The following C6orf136 variants were observed in gnomAD, a reference collection of about 807,000 sequenced individuals.
C6orf136 encodes uncharacterized protein C6orf136.
Under a neutral mutation model 44.0 loss-of-function variants are expected in C6orf136, and 29 were observed. The ratio of observed to expected loss-of-function variants is 0.66; its 90% CI spans 0.49 to 0.90. C6orf136 has a LOEUF of 0.90. Ranked by LOEUF, C6orf136 falls within the 40% of genes least tolerant of loss-of-function variation. The pLI is 0.00. For missense variants in C6orf136, 628 were observed against 669.3 expected, an observed-to-expected ratio of 0.94 and a Z score of 0.68; for synonymous variants, 293 against 278.6, an observed-to-expected ratio of 1.05 and a Z score of -0.52.
Position 30,647,190 on chromosome 6 carries a change from G to A in C6orf136, c.-42G>A, listed in dbSNP as rs771601306. 6 of 1,518,468 alleles carry A rather than the reference G, an allele frequency of 4.0e-6. No individual in the cohort carries two copies. The South Asian group carries it at 4.9e-5, about 12-fold the overall frequency. 94.1% of individuals were successfully genotyped at this position (1,518,468 alleles called of 1,614,324 possible). ...CGCGCTCACCCCTGTGAGGAGGCCG[G>A]AGGTCGGACTCAGGAGGCTCCTTCT... is the stretch of plus-strand genomic sequence containing the variant. On this transcript the variant is annotated 5_prime_UTR_variant, in exon 1 of 6. Coordinates refer to ENST00000651131, the MANE Select transcript of C6orf136 (RefSeq NM_001161376.2). This position sits in a 1 kb window ranked among gnomAD's most constrained non-coding sequence, Gnocchi z 4.8.
In C6orf136 at chr6:30,651,402, G is replaced by T. The variant is rs1033848329; in HGVS notation, c.1243G>T (p.Val415Leu). ...NWTLQARWRLVGLPVHLLFLR... is the reference protein window; with the variant it reads ...NWTLQARWRLLGLPVHLLFLR... ...GACCCTGCAAGCCCGGTGGCGGCTTGTGGGGCTGCCCGTCCACTTGCTCTT... is the reference window on the plus strand; with the variant it reads ...GACCCTGCAAGCCCGGTGGCGGCTTTTGGGGCTGCCCGTCCACTTGCTCTT... The change falls in exon 4 of 6, where the codon GTG becomes TTG. Residue 415 changes from valine (V) to leucine (L), a missense_variant. Coordinates refer to ENST00000651131, the MANE Select transcript of C6orf136 (RefSeq NM_001161376.2). 1.2e-6 allele frequency: 2 copies of T among 1,613,392 alleles called. No individual in the cohort carries two copies. Among genetic ancestry groups the T allele is most frequent in the Middle Eastern group, 1.6e-4 (1 of 6,062 alleles).
chr6:30,650,023 C>A, intron 2 of C6orf136, 64 bp downstream of exon 2: 2 of 1,393,366 alleles, frequency 1.4e-6, no homozygotes, highest in Non-Finnish European at 2.0e-6. Flanking sequence ...CTTGGACGTA[C>A]AGGGATAGTC....
At position 30,651,467 on chromosome 6, in the gene C6orf136, G is replaced by C; in HGVS notation, c.1307+1G>C. ...AGCGTGACAAAGACGAGCATTACCG[G>C]TAAGAGAGAAATGAGAAAGGACCCA... On this transcript the variant is annotated splice_donor_variant, in intron 4 of 5. Transcript: ENST00000651131. LOFTEE classifies it high-confidence loss of function. The C allele has an allele frequency of 2.5e-6, 4 of 1,605,640 alleles. No individual in the cohort carries two copies. Among genetic ancestry groups the C allele is most frequent in the Non-Finnish European group, 3.4e-6 (4 of 1,179,572 alleles).
chr6:30,650,010 A>G (rs1045588162), intron 2 of C6orf136, 51 bp downstream of exon 2: 50 of 1,531,478 alleles, frequency 3.3e-5, no homozygotes, highest in Non-Finnish European at 4.3e-5. Flanking sequence ...GATGTGGGTA[A>G]TCCTTGGACG....
At position 30,653,141 on chromosome 6, in the gene C6orf136, G is replaced by T; in HGVS notation, c.*226G>T. On this transcript the variant is annotated 3_prime_UTR_variant, in exon 6 of 6. Coordinates refer to ENST00000651131, the MANE Select transcript of C6orf136 (RefSeq NM_001161376.2). The stretch of plus-strand genomic sequence containing the variant: ...ATATCACTTTCTCTAGATCCCAAAT[G>T]TTCCCACAAGCTTTATTCCAAAAAT... 7.2e-7 allele frequency: 1 copy of T among 1,395,680 alleles called. No individual in the cohort carries two copies. 86.5% of individuals were successfully genotyped at this position (1,395,680 alleles called of 1,614,324 possible).
intron 4 of C6orf136, among the ~76,000 whole-genome samples, chr6:30,652,314 CAT>C (rs1007229550): frequency 2.0e-5 from 3 of 151,734 alleles, no homozygotes; most frequent in African/African-American, 4.8e-5. Flanking sequence ...AGTCCTGTCT[CAT>C]ATGTTGAGCC....
At chr6:30,651,666 G>A (rs1198717537) in intron 4 of C6orf136, among the ~76,000 whole-genome samples, 200 bp downstream of exon 4, 1 of 151,842 alleles carries the variant, frequency 6.6e-6, no homozygotes, top group Admixed American at 6.6e-5. Context: ...CATCACACCC[G>A]GCTAATTTTT....
At chr6:30,652,362 C>A (rs939035649) in intron 4 of C6orf136, among the ~76,000 whole-genome samples, 1 of 152,000 alleles carries the variant, frequency 6.6e-6, no homozygotes, top group Non-Finnish European at 1.5e-5. Flanking sequence ...GGAGTAGAAT[C>A]CCAATAAATT....
Position 30,651,079 on chromosome 6 carries a change from C to T in C6orf136, c.1103C>T (p.Thr368Ile), listed in dbSNP as rs1227143314. ...ATCAATGAGATCCTCAACATACGTA[C>T]CAAGTGAGAATTGGGGCACAGGTAG... Reference protein sequence around the residue: ...EFINEILNIRTKGRTWYILSL... With the variant: ...EFINEILNIRIKGRTWYILSL... The change falls in exon 3 of 6, where the codon ACC (threonine) becomes ATC (isoleucine). Residue 368 changes from threonine to isoleucine, a missense_variant. By Grantham distance (89) the Thr-to-Ile change is moderately conservative. This residue lies in a region of C6orf136 where 131 missense variants were observed against 200.1 expected (regional missense o/e 0.65). Coordinates refer to ENST00000651131, the MANE Select transcript of C6orf136 (RefSeq NM_001161376.2). 1 of 1,613,272 alleles carries T rather than the reference C, an allele frequency of 6.2e-7. No individual in the cohort carries two copies. Among genetic ancestry groups the T allele is most frequent in the South Asian group, 1.1e-5 (1 of 91,072 alleles).
chr6:30,652,249 AC>A (rs1561958783), intron 4 of C6orf136, among the ~76,000 whole-genome samples: 2 of 124,464 alleles, frequency 1.6e-5, no homozygotes, highest in Non-Finnish European at 3.4e-5. Flanking sequence ...TCACACACAC[AC>A]ACACACACAC....
chr6:30,653,019 CTCCT>C lies in C6orf136; in HGVS notation c.*114_*117del. 1 of 1,183,604 alleles carries C rather than the reference CTCCT, an allele frequency of 8.4e-7. No homozygotes were observed. Among genetic ancestry groups the C allele is most frequent in the South Asian group, 1.3e-5 (1 of 76,954 alleles). 73.3% of individuals were successfully genotyped at this position (1,183,604 alleles called of 1,614,324 possible). A position where few individuals can be genotyped will look rare whatever the true frequency, so the allele number is the denominator to read the frequency against. On this transcript the variant is annotated 3_prime_UTR_variant, in exon 6 of 6. Transcript: ENST00000651131. ...GAGCCAGCTTCCTCTCCTCGTTTCT[CTCCT>C]TCCTTCCTTTCCATCTCATGCTGTG... is the stretch of plus-strand genomic sequence containing the variant.
chr6:30,647,392 C>A lies in C6orf136; in HGVS notation c.161C>A (p.Ser54Tyr). Residue 54 changes from serine (S) to tyrosine (Y), a missense_variant, in exon 1 of 6, where the codon TCC becomes TAC. Ser to Tyr is a moderately radical substitution (Grantham distance 144). Around this residue, in one of 2 missense-constraint regions of C6orf136, gnomAD observed 497 missense variants for 469.2 expected, o/e 1.06. Coordinates refer to ENST00000651131, the MANE Select transcript of C6orf136 (RefSeq NM_001161376.2). The surrounding 1 kb of genome is among the most constrained non-coding windows in gnomAD (Gnocchi z 4.8). Reference sequence around the variant, plus strand: ...CGTGGGGCGGAGCGCGCGCTGGGTTCCGCGCAGGCGCAGAGACACCCGCCG... The same window carrying A: ...CGTGGGGCGGAGCGCGCGCTGGGTTACGCGCAGGCGCAGAGACACCCGCCG... ...PVRGAERALG[S>Y]AQAQRHPPPL... 6.7e-7 allele frequency: 1 copy of A among 1,484,232 alleles called. No homozygotes were observed. Among genetic ancestry groups the A allele is most frequent in the Non-Finnish European group, 9.0e-7 (1 of 1,117,132 alleles). 91.9% of individuals were successfully genotyped at this position (1,484,232 alleles called of 1,614,324 possible).
rs1767028777 is a variant in C6orf136, at chr6:30,647,952, T to TG, written c.615+107dup. The TG allele has an allele frequency of 7.1e-7, 1 of 1,401,520 alleles. No individual in the cohort carries two copies. The highest frequency in any genetic ancestry group is 9.3e-7 in the Non-Finnish European group (1 of 1,077,968). The allele number at this position is 1,401,520 out of a possible 1,614,324, so 86.8% of individuals were successfully genotyped here. ...GGCCTAACTTTGGGTGACCTCCCCT[T>TG]GCAGTTTCAACGTCGGTAAACCCAG... On this transcript the variant is annotated intron_variant, in intron 1 of 5. Coordinates refer to ENST00000651131, the MANE Select transcript of C6orf136 (RefSeq NM_001161376.2). This position sits in a 1 kb window ranked among gnomAD's most constrained non-coding sequence, Gnocchi z 4.8.
At position 30,649,954 on chromosome 6, in the gene C6orf136, C is replaced by A. The variant is rs766602547; in HGVS notation, c.1012C>A (p.Gln338Lys). 1.9e-6 allele frequency: 3 copies of A among 1,612,686 alleles called. No homozygotes were observed. Among genetic ancestry groups the A allele is most frequent in the Admixed American group, 3.3e-5 (2 of 59,954 alleles). ...HLSVMYERLRQELPKLFLQSH... is the reference protein window; with the variant it reads ...HLSVMYERLRKELPKLFLQSH... ...GTCTGTCATGTATGAGAGACTGAGA[C>A]AAGAGGTAAGTCAGTGCAAAAGTGG... The change falls in exon 2 of 6, where the codon CAA becomes AAA. Residue 338 changes from glutamine to lysine, a missense_variant. By Grantham distance (53) the Gln-to-Lys change is moderately conservative (BLOSUM62 1). Transcript: ENST00000651131.
intron 2 of C6orf136, among the ~76,000 whole-genome samples, chr6:30,650,447 G>T (rs1767302168): frequency 6.6e-6 from 1 of 151,786 alleles, no homozygotes. Context: ...GGTTAATCAT[G>T]GGATGAGATC....
chr6:30,650,714 C>T (rs949462402), intron 2 of C6orf136, among the ~76,000 whole-genome samples: 4 of 150,740 alleles, frequency 2.7e-5, no homozygotes, highest in Admixed American at 6.6e-5. Context: ...ACCTGGGAGG[C>T]GGAGGTTGCA....
chr6:30,652,568 C>T, intron 4 of C6orf136, 80 bp from the exon 5 acceptor site: 1 of 1,277,970 alleles, frequency 7.8e-7, no homozygotes, highest in South Asian at 1.2e-5. Flanking sequence ...AATTTAGGGA[C>T]TACTCGTTTA....
At position 30,647,255 on chromosome 6, in the gene C6orf136, G is replaced by A. The variant is rs888870611; in HGVS notation, c.24G>A (p.Ala8=). MYQPSRG[A]ARRLGPCLRA... ...TCATGTACCAGCCCAGCCGGGGTGC[G>A]GCCCGGCGTCTCGGCCCTTGCCTGC... The change falls in exon 1 of 6, where the codon GCG becomes GCA. Residue 8 remains alanine, a synonymous_variant. Coordinates refer to ENST00000651131, the MANE Select transcript of C6orf136 (RefSeq NM_001161376.2). The surrounding 1 kb of genome is among the most constrained non-coding windows in gnomAD (Gnocchi z 4.8). 6.3e-6 allele frequency: 10 copies of A among 1,596,466 alleles called. No individual in the cohort carries two copies. The highest frequency in any genetic ancestry group is 3.4e-5 in the Admixed American group (2 of 58,044).
In C6orf136 at chr6:30,647,175, C is replaced by G. The variant is rs2127563897; in HGVS notation, c.-57C>G. On this transcript the variant is annotated 5_prime_UTR_variant, in exon 1 of 6. Transcript: ENST00000651131. This position sits in a 1 kb window ranked among gnomAD's most constrained non-coding sequence, Gnocchi z 4.8. ...AAGCCGGCTCTGGGGCGCGCTCACCCCTGTGAGGAGGCCGGAGGTCGGACT... is the reference window on the plus strand; with the variant it reads ...AAGCCGGCTCTGGGGCGCGCTCACCGCTGTGAGGAGGCCGGAGGTCGGACT... 1 of 1,493,338 alleles carries G rather than the reference C, an allele frequency of 6.7e-7. No homozygotes were observed. Among genetic ancestry groups the G allele is most frequent in the Non-Finnish European group, 8.9e-7 (1 of 1,124,988 alleles). 92.5% of individuals were successfully genotyped at this position (1,493,338 alleles called of 1,614,324 possible).
Sources: allele counts gnomAD v4.1 joint callset (sites outside exome capture counted in the v4.1 genomes callset), GRCh38; gene constraint gnomAD v4.1.1; regional missense constraint gnomAD v4.1.1; non-coding constraint Gnocchi (gnomAD v3.1); transcripts MANE v1.5; gene names NCBI Gene and HGNC (gene_info 2026-07-23, HGNC 2026-07-21).